The following CDK5R1 variants were observed in gnomAD, a reference collection of about 807,000 sequenced individuals.
The protein encoded by CDK5R1 is cyclin-dependent kinase 5 activator 1.
A neutral mutation model predicts 19.0 loss-of-function variants in CDK5R1; 1 was observed. That is an observed-to-expected ratio of 0.05 (90% CI 0.02 to 0.25). CDK5R1 has a LOEUF of 0.25. Among genes scored for constraint, CDK5R1 ranks in the 10% least tolerant of loss-of-function variants. The pLI is 1.00. For missense variants in CDK5R1, 314 were observed against 401.0 expected (o/e 0.78, Z 1.85); for synonymous variants, 225 against 187.7 (o/e 1.20, Z -1.62).
rs1908764018 is a variant in CDK5R1 at position 32,488,640 on chromosome 17, C to T, written c.*96C>T. ...GTACAGTATGTGTCTAGCAAAGCCA[C>T]CAAGGGCCTCACCTTTCCCACAGTC... On this transcript the variant is annotated 3_prime_UTR_variant, in exon 2 of 2. Coordinates refer to ENST00000313401, the MANE Select transcript of CDK5R1 (RefSeq NM_003885.3). 2.6e-6 allele frequency: 4 copies of T among 1,557,706 alleles called. No individual in the cohort carries two copies. Among genetic ancestry groups the T allele is most frequent in the Non-Finnish European group, 3.5e-6 (4 of 1,150,282 alleles).
rs1908761793 is a variant in CDK5R1 at position 32,488,578 on chromosome 17, A to G, written c.*34A>G. ...GCCTGCGTCATGGCTCAAGGATTCA[A>G]TGCATTTTTAAGAATTTATTATTAA... On this transcript the variant is annotated 3_prime_UTR_variant, in exon 2 of 2. Transcript: ENST00000313401. The G allele has an allele frequency of 1.9e-6, 3 of 1,613,724 alleles. No homozygotes were observed. Among genetic ancestry groups the G allele is most frequent in the African/African-American group, 1.3e-5 (1 of 75,046 alleles).
chr17:32,489,209 A>G lies in CDK5R1; in HGVS notation c.*665A>G. The G allele has an allele frequency of 2.1e-6, 1 of 471,102 alleles. No individual in the cohort carries two copies. The highest frequency in any genetic ancestry group is 4.4e-6 in the Non-Finnish European group (1 of 227,034). 29.2% of individuals were successfully genotyped at this position (471,102 alleles called of 1,614,324 possible). A position where few individuals can be genotyped will look rare whatever the true frequency, so the allele number is the denominator to read the frequency against. On this transcript the variant is annotated 3_prime_UTR_variant, in exon 2 of 2. Coordinates refer to ENST00000313401, the MANE Select transcript of CDK5R1 (RefSeq NM_003885.3). ...CCCTACCCCCTTGTCTGCTGCTCCC[A>G]GCCACGTTGGTGGTATTGGCCGATG...
rs118075579 is a variant in CDK5R1, at chr17:32,489,780, C to T, written c.*1236C>T. ...TTATTGATTTTCTTTCTAATTCTCC[C>T]GCATTGGTGGCTTGGGACTTGGGAG... On this transcript the variant is annotated 3_prime_UTR_variant, in exon 2 of 2. Coordinates refer to ENST00000313401, the MANE Select transcript of CDK5R1 (RefSeq NM_003885.3). 0.023 allele frequency: 3,837 copies of T among 167,932 alleles called. 64 individuals are homozygous for T. The highest frequency in any genetic ancestry group is 0.036 in the Admixed American group (552 of 15,432). The allele number at this position is 167,932 out of a possible 1,614,324, so 10.4% of individuals were successfully genotyped here. A position where few individuals can be genotyped will look rare whatever the true frequency, so the allele number is the denominator to read the frequency against.
rs1245298076 is a variant in CDK5R1 at position 32,487,525 on chromosome 17, C to T, written c.-96C>T. 7.1e-6 allele frequency: 7 copies of T among 988,110 alleles called. No homozygotes were observed. The highest frequency in any genetic ancestry group is 2.8e-5 in the Admixed American group (1 of 35,674). The allele number at this position is 988,110 out of a possible 1,614,324, so 61.2% of individuals were successfully genotyped here. ...TCCCGGGAGCGCCCCCGCCTCCTCTCCGGGGCCGCCGCAGGCTCGGTGAGC... is the reference window on the plus strand; with the variant it reads ...TCCCGGGAGCGCCCCCGCCTCCTCTTCGGGGCCGCCGCAGGCTCGGTGAGC... On this transcript the variant is annotated 5_prime_UTR_variant, in exon 2 of 2. Coordinates refer to ENST00000313401, the MANE Select transcript of CDK5R1 (RefSeq NM_003885.3). The surrounding 1 kb of genome is among the most constrained non-coding windows in gnomAD (Gnocchi z 7.9).
rs1316778718 is a variant in CDK5R1, at chr17:32,489,434, C to T, written c.*890C>T. ...GGTGAGGGATGCCATACCTTGAGAC[C>T]AAGCCGGTGCCCACCTAAGGGCTAA... is the stretch of plus-strand genomic sequence containing the variant. On this transcript the variant is annotated 3_prime_UTR_variant, in exon 2 of 2. Coordinates refer to ENST00000313401, the MANE Select transcript of CDK5R1 (RefSeq NM_003885.3). The T allele has an allele frequency of 2.6e-6, 1 of 391,522 alleles. No homozygotes were observed. The highest frequency in any genetic ancestry group is 5.3e-6 in the Non-Finnish European group (1 of 188,016). 24.3% of individuals were successfully genotyped at this position (391,522 alleles called of 1,614,324 possible). A position where few individuals can be genotyped will look rare whatever the true frequency, so the allele number is the denominator to read the frequency against.
Position 32,489,776 on chromosome 17 carries a change from C to G in CDK5R1, c.*1232C>G. ...TACTTTATTGATTTTCTTTCTAATTCTCCCGCATTGGTGGCTTGGGACTTG... is the reference window on the plus strand; with the variant it reads ...TACTTTATTGATTTTCTTTCTAATTGTCCCGCATTGGTGGCTTGGGACTTG... On this transcript the variant is annotated 3_prime_UTR_variant, in exon 2 of 2. Transcript: ENST00000313401. The G allele has an allele frequency of 6.0e-6, 1 of 168,044 alleles. No homozygotes were observed. The highest frequency in any genetic ancestry group is 2.1e-4 in the South Asian group (1 of 4,878). The allele number at this position is 168,044 out of a possible 1,614,324, so 10.4% of individuals were successfully genotyped here.
Position 32,487,938 on chromosome 17 carries a change from G to A in CDK5R1, c.318G>A (p.Pro106=), listed in dbSNP as rs748366292. Residue 106 remains proline, a synonymous_variant, in exon 2 of 2, where the codon CCG becomes CCA. Coordinates refer to ENST00000313401, the MANE Select transcript of CDK5R1 (RefSeq NM_003885.3). This position sits in a 1 kb window ranked among gnomAD's most constrained non-coding sequence, Gnocchi z 7.9. ...STFAQPPPAQ[P]PAPPASQLSG... is the part of the protein sequence containing the mutation. ...TCGCCCAGCCCCCACCGGCCCAGCC[G>A]CCTGCACCCCCGGCCAGCCAGCTCT... 3 of 1,613,414 alleles carry A rather than the reference G, an allele frequency of 1.9e-6. No homozygotes were observed. The highest frequency in any genetic ancestry group is 1.1e-5 in the South Asian group (1 of 91,078).
rs1489080327 is a variant in CDK5R1 at position 32,491,233 on chromosome 17, A to G, written c.*2689A>G. On this transcript the variant is annotated 3_prime_UTR_variant, in exon 2 of 2. Coordinates refer to ENST00000313401, the MANE Select transcript of CDK5R1 (RefSeq NM_003885.3). ...TTTATTTTTGTACTGTGCTGATTCAATAAAATGCACTGACCATCCATTACA... is the reference window on the plus strand; with the variant it reads ...TTTATTTTTGTACTGTGCTGATTCAGTAAAATGCACTGACCATCCATTACA... The G allele has an allele frequency of 2.4e-5, 4 of 166,890 alleles. No individual in the cohort carries two copies. The highest frequency in any genetic ancestry group is 4.8e-5 in the African/African-American group (2 of 41,462). 10.3% of individuals were successfully genotyped at this position (166,890 alleles called of 1,614,324 possible).
Position 32,488,509 on chromosome 17 carries a change from G to A in CDK5R1, c.889G>A (p.Asp297Asn), listed in dbSNP as rs769214004. The change falls in exon 2 of 2, where the codon GAC (aspartate) becomes AAC (asparagine). Residue 297 changes from aspartate (D) to asparagine (N), a missense_variant. This residue lies in a region of CDK5R1 where 106 missense variants were observed against 132.1 expected (regional missense o/e 0.80). Coordinates refer to ENST00000313401, the MANE Select transcript of CDK5R1 (RefSeq NM_003885.3). Reference sequence around the variant, plus strand: ...CCTGAAGAACGAGAGCGGCCAGGAGGACAAGAAGCGGCTCCTCCTAGGCCT... The same window carrying A: ...CCTGAAGAACGAGAGCGGCCAGGAGAACAAGAAGCGGCTCCTCCTAGGCCT... The part of the protein sequence containing the change: ...SDLKNESGQE[D>N]KKRLLLGLDR 1.2e-6 allele frequency: 2 copies of A among 1,613,782 alleles called. No individual in the cohort carries two copies. Among genetic ancestry groups the A allele is most frequent in the African/African-American group, 2.7e-5 (2 of 74,938 alleles).
rs1183861018 is a variant in CDK5R1, at chr17:32,488,858, C to T, written c.*314C>T. The T allele has an allele frequency of 4.8e-6, 2 of 420,556 alleles. No individual in the cohort carries two copies. The highest frequency in any genetic ancestry group is 9.2e-6 in the Non-Finnish European group (2 of 216,332). 26.1% of individuals were successfully genotyped at this position (420,556 alleles called of 1,614,324 possible). A position where few individuals can be genotyped will look rare whatever the true frequency, so the allele number is the denominator to read the frequency against. ...CCAGGGTAGGCAAGGCTGCCGGCTG[C>T]ACCCTGTATGGAGCTAGAGAGGGGC... On this transcript the variant is annotated 3_prime_UTR_variant, in exon 2 of 2. Transcript: ENST00000313401.
Position 32,488,141 on chromosome 17 carries a change from C to T in CDK5R1, c.521C>T (p.Pro174Leu). ...YRLKHLSPTD[P>L]VLWLRSVDRS... ...CTGAAGCACCTGTCCCCCACGGACCCCGTGCTCTGGCTGCGCAGCGTGGAC... is the reference window on the plus strand; with the variant it reads ...CTGAAGCACCTGTCCCCCACGGACCTCGTGCTCTGGCTGCGCAGCGTGGAC... The change falls in exon 2 of 2, where the codon CCC becomes CTC. Residue 174 changes from proline (P) to leucine (L), a missense_variant. Coordinates refer to ENST00000313401, the MANE Select transcript of CDK5R1 (RefSeq NM_003885.3). 1 of 1,613,590 alleles carries T rather than the reference C, an allele frequency of 6.2e-7. No homozygotes were observed. Among genetic ancestry groups the T allele is most frequent in the Non-Finnish European group, 8.5e-7 (1 of 1,179,986 alleles).
In CDK5R1 at chr17:32,488,338, G is replaced by A; in HGVS notation, c.718G>A (p.Glu240Lys). The A allele has an allele frequency of 6.2e-7, 1 of 1,614,138 alleles. No homozygotes were observed. Among genetic ancestry groups the A allele is most frequent in the Non-Finnish European group, 8.5e-7 (1 of 1,180,016 alleles). ...CCTCTCCTACTCCTACATGGGCAAC[G>A]AGATCTCCTACCCGCTCAAGCCCTT... ...LYLSYSYMGN[E>K]ISYPLKPFLV... The change falls in exon 2 of 2, where the codon GAG becomes AAG. Residue 240 changes from glutamate (E) to lysine (K), a missense_variant. Glu to Lys is a moderately conservative substitution (Grantham distance 56). This residue lies in a region of CDK5R1 where 106 missense variants were observed against 132.1 expected (regional missense o/e 0.80). Transcript: ENST00000313401.
chr17:32,488,716 C>T lies in CDK5R1; in HGVS notation c.*172C>T. ...GCCAAGAACTCTGGGCACTTTTGAA[C>T]TCACGAGCCTTGCGCAAAACCCAGA... On this transcript the variant is annotated 3_prime_UTR_variant, in exon 2 of 2. Transcript: ENST00000313401. 8.0e-7 allele frequency: 1 copy of T among 1,255,294 alleles called. No individual in the cohort carries two copies. Among genetic ancestry groups the T allele is most frequent in the Admixed American group, 2.2e-5 (1 of 46,306 alleles). The allele number at this position is 1,255,294 out of a possible 1,614,324, so 77.8% of individuals were successfully genotyped here. A position where few individuals can be genotyped will look rare whatever the true frequency, so the allele number is the denominator to read the frequency against.
Position 32,488,321 on chromosome 17 carries a change from A to G in CDK5R1, c.701A>G (p.Tyr234Cys). The G allele has an allele frequency of 1.2e-6, 2 of 1,613,688 alleles. No homozygotes were observed. Among genetic ancestry groups the G allele is most frequent in the African/African-American group, 1.3e-5 (1 of 74,878 alleles). ...CTGCTGACATGCCTGTACCTCTCCT[A>G]CTCCTACATGGGCAACGAGATCTCC... ...AVLLTCLYLSYSYMGNEISYP... is the reference protein window; with the variant it reads ...AVLLTCLYLSCSYMGNEISYP... Residue 234 changes from tyrosine (Y) to cysteine (C), a missense_variant, in exon 2 of 2, where the codon TAC (tyrosine) becomes TGC (cysteine). Physicochemically the swap from Tyr to Cys is radical, Grantham distance 194. Coordinates refer to ENST00000313401, the MANE Select transcript of CDK5R1 (RefSeq NM_003885.3).
rs949720216 is a variant in CDK5R1, at chr17:32,488,343, C to T, written c.723C>T (p.Ile241=). Residue 241 remains isoleucine, a synonymous_variant, in exon 2 of 2, where the codon ATC becomes ATT. Transcript: ENST00000313401. The part of the protein sequence containing the change: ...YLSYSYMGNE[I]SYPLKPFLVE... ...CCTACTCCTACATGGGCAACGAGAT[C>T]TCCTACCCGCTCAAGCCCTTCCTGG... 1.9e-6 allele frequency: 3 copies of T among 1,614,192 alleles called. No individual in the cohort carries two copies. Among genetic ancestry groups the T allele is most frequent in the Non-Finnish European group, 2.5e-6 (3 of 1,180,034 alleles).
rs1488708466 is a variant in CDK5R1 at position 32,487,455 on chromosome 17, A to G, written c.-145-21A>G. 1 of 546,996 alleles carries G rather than the reference A, an allele frequency of 1.8e-6. No individual in the cohort carries two copies. The highest frequency in any genetic ancestry group is 3.7e-5 in the Admixed American group (1 of 26,674). The allele number at this position is 546,996 out of a possible 1,614,324, so 33.9% of individuals were successfully genotyped here. A position where few individuals can be genotyped will look rare whatever the true frequency, so the allele number is the denominator to read the frequency against. ...GCGGCGCGGAGCCCAGCCTGGCGCT[A>G]AGAACCATCTTGTTTTCCAGGCAGA... On this transcript the variant is annotated intron_variant, in intron 1 of 1. Transcript: ENST00000313401. The surrounding 1 kb of genome is among the most constrained non-coding windows in gnomAD (Gnocchi z 7.9).
In CDK5R1 at chr17:32,489,611, G is replaced by A. The variant is rs1310880688; in HGVS notation, c.*1067G>A. The A allele has an allele frequency of 1.7e-5, 3 of 175,102 alleles. No individual in the cohort carries two copies. The highest frequency in any genetic ancestry group is 4.1e-5 in the Non-Finnish European group (3 of 73,326). The allele number at this position is 175,102 out of a possible 1,614,324, so 10.8% of individuals were successfully genotyped here. ...TTGCCCAGCAAGGACCAGTGAGACA[G>A]CCGGATCTTGGAGACAATTACAAGA... On this transcript the variant is annotated 3_prime_UTR_variant, in exon 2 of 2. Transcript: ENST00000313401.
At position 32,490,627 on chromosome 17, in the gene CDK5R1, A is replaced by G. The variant is rs1430583777; in HGVS notation, c.*2083A>G. The G allele has an allele frequency of 6.0e-6, 1 of 166,944 alleles. No individual in the cohort carries two copies. The highest frequency in any genetic ancestry group is 1.5e-5 in the Non-Finnish European group (1 of 68,096). 10.3% of individuals were successfully genotyped at this position (166,944 alleles called of 1,614,324 possible). ...ATATACTTGAGTGTGCAAGCAAAGA[A>G]CCCATTTGCCATGCTGCTATGAAGA... On this transcript the variant is annotated 3_prime_UTR_variant, in exon 2 of 2. Coordinates refer to ENST00000313401, the MANE Select transcript of CDK5R1 (RefSeq NM_003885.3).
chr17:32,487,923 C>T lies in CDK5R1; in HGVS notation c.303C>T (p.Pro101=), dbSNP rs778904713. Residue 101 remains proline (P), a synonymous_variant, in exon 2 of 2, where the codon CCC becomes CCT. Coordinates refer to ENST00000313401, the MANE Select transcript of CDK5R1 (RefSeq NM_003885.3). The surrounding 1 kb of genome is among the most constrained non-coding windows in gnomAD (Gnocchi z 7.9). ...SCANLSTFAQ[P]PPAQPPAPPA... is the part of the protein sequence containing the mutation. ...CCAACCTGTCCACATTCGCCCAGCC[C>T]CCACCGGCCCAGCCGCCTGCACCCC... 5.0e-6 allele frequency: 8 copies of T among 1,613,540 alleles called. No individual in the cohort carries two copies. The highest frequency in any genetic ancestry group is 6.8e-6 in the Non-Finnish European group (8 of 1,179,996).
Sources: gnomAD v4.1 joint callset for allele counts on GRCh38, gnomAD v4.1.1 for gene constraint, gnomAD v4.1.1 regional missense constraint, Gnocchi (gnomAD v3.1) non-coding constraint, MANE v1.5 for transcripts, NCBI Gene and HGNC (gene_info 2026-07-23, HGNC 2026-07-21) for gene names.